The following PDE1C variants were observed in gnomAD, a reference collection of about 807,000 sequenced individuals.
The protein encoded by PDE1C is dual specificity calcium/calmodulin-dependent 3',5'-cyclic nucleotide phosphodiesterase 1C.
A neutral mutation model predicts 93.1 loss-of-function variants in PDE1C; 62 were observed. That is an observed-to-expected ratio of 0.67 (90% CI 0.54 to 0.82). The LOEUF is 0.82. PDE1C is among the 40% of genes least tolerant of loss of function. PDE1C has a pLI of 0.00. For missense variants in PDE1C, 742 were observed against 884.6 expected (o/e 0.84, Z 2.04); for synonymous variants, 325 against 310.1 (o/e 1.05, Z -0.50).
At chr7:31,915,459 C>T (rs545318123) in intron 2 of PDE1C, among the ~76,000 whole-genome samples, 30 of 152,296 alleles carry the variant, frequency 2.0e-4, no homozygotes, top group African/African-American at 7.0e-4. Flanking sequence ...TGAAAATCTG[C>T]CCAAATGCCA....
At chr7:31,892,462 T>C (rs1256349038) in intron 2 of PDE1C, among the ~76,000 whole-genome samples, 5 of 152,220 alleles carry the variant, frequency 3.3e-5, no homozygotes, top group Non-Finnish European at 7.3e-5. Context: ...ATTACACCTC[T>C]ACTGGCAGTG....
At chr7:31,753,691 G>A in intron 17 of PDE1C, 138 bp from the exon 18 acceptor site, 1 of 1,282,250 alleles carries the variant, frequency 7.8e-7, no homozygotes, top group Non-Finnish European at 1.0e-6. Context: ...ATTCTCCCTG[G>A]AAACCTTATG....
chr7:32,380,366 T>C (rs909484915), intron 1 of PDE1C, among the ~76,000 whole-genome samples: 19 of 151,686 alleles, frequency 1.3e-4, no homozygotes, highest in African/African-American at 4.6e-4. Context: ...GCCTCACGAG[T>C]AGCTGGGACT....
intron 3 of PDE1C, among the ~76,000 whole-genome samples, chr7:32,132,568 A>G (rs953856153): frequency 3.3e-5 from 5 of 152,056 alleles, no homozygotes; most frequent in African/African-American, 4.8e-5. Context: ...CAGGAGGTTG[A>G]GATAGGAGGA....
chr7:31,816,366 G>T (rs1788269663), intron 14 of PDE1C, among the ~76,000 whole-genome samples: 1 of 151,954 alleles, frequency 6.6e-6, no homozygotes, highest in Non-Finnish European at 1.5e-5. Flanking sequence ...TTAGAGGAGA[G>T]GTCAGGGAGA....
intron 17 of PDE1C, among the ~76,000 whole-genome samples, chr7:31,758,514 G>C (rs927095323): frequency 1.3e-5 from 2 of 151,996 alleles, no homozygotes; most frequent in Non-Finnish European, 2.9e-5. Flanking sequence ...AAGATCCTTC[G>C]AAACTTTTAA....
chr7:32,080,059 A>G (rs1260116194), intron 3 of PDE1C, among the ~76,000 whole-genome samples: 1 of 152,198 alleles, frequency 6.6e-6, no homozygotes, highest in East Asian at 1.9e-4. Context: ...AGAGGGAACA[A>G]CATGTGCAAA....
chr7:32,202,796 T>C (rs1278416027), intron 2 of PDE1C, among the ~76,000 whole-genome samples: 1 of 152,194 alleles, frequency 6.6e-6, no homozygotes, highest in Non-Finnish European at 1.5e-5. Flanking sequence ...TGTGTTCTTT[T>C]GTGTTGCTTG....
Position 31,753,246 on chromosome 7 carries a change from C to A in PDE1C, c.*138G>T. Reference sequence around the variant, plus strand: ...GGAAAATCACATACAACTTTCATTTCACCTTGGTGGAGTCAACCAGGATAG... The same window carrying A: ...GGAAAATCACATACAACTTTCATTTAACCTTGGTGGAGTCAACCAGGATAG... On this transcript the variant is annotated 3_prime_UTR_variant, in exon 18 of 18. Coordinates refer to ENST00000396191, the MANE Select transcript of PDE1C (RefSeq NM_001191057.4). 1 of 1,039,126 alleles carries A rather than the reference C, an allele frequency of 9.6e-7. No individual in the cohort carries two copies. The highest frequency in any genetic ancestry group is 1.4e-6 in the Non-Finnish European group (1 of 734,320). 64.4% of individuals were successfully genotyped at this position (1,039,126 alleles called of 1,614,324 possible). A position where few individuals can be genotyped will look rare whatever the true frequency, so the allele number is the denominator to read the frequency against.
intron 2 of PDE1C, among the ~76,000 whole-genome samples, chr7:31,902,302 C>T (rs12701155): frequency 0.094 from 14,208 of 151,078 alleles, 491 homozygotes; most frequent in Admixed American, 0.2. Flanking sequence ...CACAGAAGAA[C>T]TATAAATGTC....
At chr7:32,344,368 G>A (rs932312544) in intron 1 of PDE1C, among the ~76,000 whole-genome samples, 3 of 152,068 alleles carry the variant, frequency 2.0e-5, no homozygotes, top group African/African-American at 7.2e-5. Flanking sequence ...GAGCTACCAC[G>A]CCCAGCTAGT....
chr7:32,294,249 AG>A (rs1238771469), intron 1 of PDE1C, among the ~76,000 whole-genome samples: 1 of 152,232 alleles, frequency 6.6e-6, no homozygotes, highest in East Asian at 1.9e-4. Flanking sequence ...CAACCCAAGG[AG>A]GGAAACACAA....
At chr7:31,911,424 C>A (rs777301419) in intron 2 of PDE1C, among the ~76,000 whole-genome samples, 1 of 152,074 alleles carries the variant, frequency 6.6e-6, no homozygotes, top group Non-Finnish European at 1.5e-5. Context: ...ACTGAAGTAA[C>A]CTCTGAGCTT....
chr7:32,158,525 A>G (rs908876953), intron 3 of PDE1C, among the ~76,000 whole-genome samples: 1 of 152,182 alleles, frequency 6.6e-6, no homozygotes, highest in African/African-American at 2.4e-5. Context: ...GATGTAATTT[A>G]AAAAATGGTC....
the PDE1C span, among the ~76,000 whole-genome samples, chr7:31,738,295 T>G: frequency 1.3e-5 from 2 of 152,172 alleles, no homozygotes; most frequent in Admixed American, 1.3e-4. Flanking sequence ...AGAGGTTTAA[T>G]GGACTCACAG....
chr7:31,697,225 C>T, the PDE1C span: 16 of 1,402,284 alleles, frequency 1.1e-5, no homozygotes, highest in Admixed American at 1.7e-4. Flanking sequence ...CAGCAAGCTG[C>T]GTTGTCCTGA....
chr7:31,996,687 A>T (rs1784770334), intron 2 of PDE1C, among the ~76,000 whole-genome samples: 1 of 152,228 alleles, frequency 6.6e-6, no homozygotes, highest in Admixed American at 6.5e-5. Context: ...GCTTAAATGG[A>T]TCCAACATCT....
intron 1 of PDE1C, among the ~76,000 whole-genome samples, chr7:32,305,586 C>T (rs1330704463): frequency 1.3e-5 from 2 of 152,200 alleles, no homozygotes; most frequent in African/African-American, 4.8e-5. Context: ...CCAGAGTTTC[C>T]CTTGGGGTGT....
chr7:32,255,315 A>C (rs1809711576), intron 1 of PDE1C, among the ~76,000 whole-genome samples: 2 of 152,194 alleles, frequency 1.3e-5, no homozygotes, highest in South Asian at 4.1e-4. Context: ...AGAGAGCAGC[A>C]GACGCAGGGG....
Sources: allele counts gnomAD v4.1 joint callset (sites outside exome capture counted in the v4.1 genomes callset), GRCh38; gene constraint gnomAD v4.1.1; transcripts MANE v1.5; gene names NCBI Gene and HGNC (gene_info 2026-07-23, HGNC 2026-07-21).